The following ATRNL1 variants were observed in gnomAD, a reference collection of about 807,000 sequenced individuals.
The protein encoded by ATRNL1 is attractin-like protein 1.
In ATRNL1, 95 loss-of-function variants were observed where a neutral mutation model predicts 182.7. The observed-to-expected ratio is 0.52, with a 90% CI of 0.44 to 0.62. ATRNL1 has a LOEUF of 0.62. Ranked by LOEUF, ATRNL1 falls within the 20% of genes least tolerant of loss-of-function variation. The pLI is 0.00. For missense variants in ATRNL1, 1,471 were observed against 1,679.5 expected, an observed-to-expected ratio of 0.88 and a Z score of 2.17; for synonymous variants, 576 against 568.3, an observed-to-expected ratio of 1.01 and a Z score of -0.19.
chr10:115,438,327 TA>T (rs1554965103), intron 21 of ATRNL1, among the ~76,000 whole-genome samples: 2 of 152,108 alleles, frequency 1.3e-5, no homozygotes, highest in African/African-American at 4.8e-5. Context: ...ACTATCTTCT[TA>T]AAAAATACAT....
intron 26 of ATRNL1, among the ~76,000 whole-genome samples, chr10:115,639,792 AG>A (rs201133492): frequency 0.01 from 1,572 of 152,022 alleles, 29 homozygotes; most frequent in African/African-American, 0.036. Context: ...GATGAAAATG[AG>A]GGGTTTTTTT....
chr10:115,259,056 A>C (rs1554907937), intron 10 of ATRNL1, among the ~76,000 whole-genome samples: 1 of 152,184 alleles, frequency 6.6e-6, no homozygotes, highest in African/African-American at 2.4e-5. Flanking sequence ...GGTTTCTGCC[A>C]GTTAGGCTAC....
intron 27 of ATRNL1, among the ~76,000 whole-genome samples, chr10:115,817,921 T>C (rs1950205063): frequency 6.7e-6 from 1 of 150,280 alleles, no homozygotes; most frequent in Non-Finnish European, 1.5e-5. Flanking sequence ...TCACACAAAC[T>C]TGAAGTTATC....
intron 10 of ATRNL1, among the ~76,000 whole-genome samples, chr10:115,258,654 A>G (rs1008204246): frequency 6.6e-6 from 1 of 151,986 alleles, no homozygotes; most frequent in Non-Finnish European, 1.5e-5. Flanking sequence ...GCTTTGTTCC[A>G]TTGCTGGTGA....
At chr10:115,864,708 C>T (rs961222003) in intron 28 of ATRNL1, among the ~76,000 whole-genome samples, 5 of 152,238 alleles carry the variant, frequency 3.3e-5, no homozygotes, top group South Asian at 2.1e-4. Flanking sequence ...AGAGGCCGGG[C>T]GCGGTGGCTC....
intron 27 of ATRNL1, among the ~76,000 whole-genome samples, chr10:115,775,617 A>AT: frequency 6.6e-6 from 1 of 152,252 alleles, no homozygotes; most frequent in Non-Finnish European, 1.5e-5. Flanking sequence ...CAGTGCAATA[A>AT]TTTTTTTAAA....
At chr10:115,429,751 T>C (rs1311470169) in intron 21 of ATRNL1, among the ~76,000 whole-genome samples, 1 of 152,096 alleles carries the variant, frequency 6.6e-6, no homozygotes, top group African/African-American at 2.4e-5. Flanking sequence ...TCTGACTAAA[T>C]GACCTATGAC....
chr10:115,599,894 T>G (rs115600137), intron 26 of ATRNL1, among the ~76,000 whole-genome samples: 8,141 of 152,218 alleles, frequency 0.053, 694 homozygotes, highest in African/African-American at 0.18. Flanking sequence ...TGGACAAATG[T>G]ATGTATCCAG....
intron 27 of ATRNL1, among the ~76,000 whole-genome samples, chr10:115,836,305 A>G (rs1188308966): frequency 6.6e-6 from 1 of 152,124 alleles, no homozygotes; most frequent in Non-Finnish European, 1.5e-5. Flanking sequence ...TATACTTATG[A>G]TCATTTCCAA....
Position 115,308,183 on chromosome 10 carries a change from G to A in ATRNL1, c.2818+6140G>A, listed in dbSNP as rs535430546. Among the ~76,000 whole-genome samples the A allele has an allele frequency of 1.1e-4, 17 of 152,138 alleles. No homozygotes were observed. The South Asian group carries it at 3.1e-3, about 28-fold the overall frequency. ...TGTGATATCATTGTTTAAAATTCACGAATTGAAGAGAGGAAATGTTTTTTA... is the reference window on the plus strand; with the variant it reads ...TGTGATATCATTGTTTAAAATTCACAAATTGAAGAGAGGAAATGTTTTTTA... On this transcript the variant is annotated intron_variant, in intron 17 of 28. Coordinates refer to ENST00000355044, the MANE Select transcript of ATRNL1 (RefSeq NM_207303.4).
At chr10:115,816,046 A>G (rs1950157002) in intron 27 of ATRNL1, among the ~76,000 whole-genome samples, 1 of 152,132 alleles carries the variant, frequency 6.6e-6, no homozygotes. Context: ...AGGACTAACC[A>G]AGACAATTTT....
intron 22 of ATRNL1, among the ~76,000 whole-genome samples, chr10:115,462,856 G>T (rs1426783867): frequency 6.6e-6 from 1 of 151,878 alleles, no homozygotes; most frequent in Non-Finnish European, 1.5e-5. Context: ...ATCAATTCAG[G>T]TAAAGACTCT....
chr10:115,145,752 A>G (rs1185885726), intron 5 of ATRNL1, among the ~76,000 whole-genome samples: 7 of 152,154 alleles, frequency 4.6e-5, no homozygotes, highest in African/African-American at 1.7e-4. Flanking sequence ...AACAAGCTAC[A>G]TTTACCCCTC....
intron 26 of ATRNL1, among the ~76,000 whole-genome samples, chr10:115,567,590 G>C (rs2133854322): frequency 6.6e-6 from 1 of 152,170 alleles, no homozygotes; most frequent in South Asian, 2.1e-4. Context: ...CACTTTTGCT[G>C]TCTTTGTTGA....
intron 5 of ATRNL1, among the ~76,000 whole-genome samples, chr10:115,143,671 T>G (rs1247022230): frequency 1.3e-5 from 2 of 152,078 alleles, no homozygotes; most frequent in Non-Finnish European, 2.9e-5. Context: ...TTTTGTTCTA[T>G]CCTTATATGA....
chr10:115,211,973 A>G (rs79858510), intron 8 of ATRNL1, among the ~76,000 whole-genome samples: 1,857 of 150,734 alleles, frequency 0.012, 33 homozygotes, highest in African/African-American at 0.042. Flanking sequence ...TCTATTTTTC[A>G]TATTGGATAA....
At chr10:115,450,268 G>A (rs782496868) in intron 21 of ATRNL1, among the ~76,000 whole-genome samples, 2 of 152,248 alleles carry the variant, frequency 1.3e-5, no homozygotes, top group Non-Finnish European at 2.9e-5. Context: ...CATAGTATTA[G>A]AAGTCCTAGC....
chr10:115,414,654 C>T (rs1016399106), intron 20 of ATRNL1, among the ~76,000 whole-genome samples: 12 of 151,806 alleles, frequency 7.9e-5, no homozygotes, highest in East Asian at 1.9e-4. Flanking sequence ...TTATCCTTCC[C>T]ATCTTTCCTT....
chr10:115,912,416 T>TTG (rs35956227), intron 28 of ATRNL1, among the ~76,000 whole-genome samples: 3,658 of 148,158 alleles, frequency 0.025, 72 homozygotes, highest in African/African-American at 0.051. Flanking sequence ...ATATATATAT[T>TTG]TGTGTGTGTG....
Sources: allele counts gnomAD v4.1 joint callset (sites outside exome capture counted in the v4.1 genomes callset), GRCh38; gene constraint gnomAD v4.1.1; transcripts MANE v1.5; gene names NCBI Gene and HGNC (gene_info 2026-07-23, HGNC 2026-07-21).